The following DUSP15 variants were observed in gnomAD, a reference collection of about 807,000 sequenced individuals.
DUSP15 encodes dual specificity protein phosphatase 15.
A neutral mutation model predicts 26.3 loss-of-function variants in DUSP15; 23 were observed. That is an observed-to-expected ratio of 0.87 (90% confidence interval 0.63 to 1.24). The LOEUF is 1.24. DUSP15 is among the 50% of genes most tolerant of loss of function. DUSP15 has a pLI of 0.00. For missense variants in DUSP15, 364 were observed against 320.6 expected (o/e 1.14, Z -1.03); for synonymous variants, 143 against 135.5 (o/e 1.06, Z -0.39).
chr20:31,860,690 G>A (rs1447637059), downstream of DUSP15, among the ~76,000 whole-genome samples: 1 of 152,270 alleles, frequency 6.6e-6, no homozygotes, highest in Non-Finnish European at 1.5e-5. Flanking sequence ...AGGTCAGGAT[G>A]AGGGAGGCGC....
chr20:31,856,155 G>A (rs1435055824), downstream of DUSP15, among the ~76,000 whole-genome samples: 2 of 152,204 alleles, frequency 1.3e-5, no homozygotes, highest in Non-Finnish European at 2.9e-5. Context: ...CCAGGTAAAA[G>A]TGAAGAGCAG....
chr20:31,863,515 C>G (rs1426080153), intron 5 of DUSP15: 1 of 168,142 alleles, frequency 5.9e-6, no homozygotes, highest in Admixed American at 6.1e-5. Context: ...GAATTCCTGT[C>G]TCCCAGCTCG....
chr20:31,870,288 G>A lies in DUSP15; in HGVS notation c.21+29C>T. The A allele has an allele frequency of 8.1e-7, 1 of 1,228,924 alleles. No homozygotes were observed. The highest frequency in any genetic ancestry group is 1.6e-5 in the African/African-American group (1 of 64,226). 76.1% of individuals were successfully genotyped at this position (1,228,924 alleles called of 1,614,324 possible). On this transcript the variant is annotated intron_variant, in intron 1 of 6. Coordinates refer to ENST00000339738, the MANE Select transcript of DUSP15 (RefSeq NM_080611.5). This position sits in a 1 kb window ranked among gnomAD's most constrained non-coding sequence, Gnocchi z 6.6. ...GGCCGCGGCGGCCGGGGCGGGGACC[G>A]GGGAGGCTGCGCGGGGCCCGCCCCC...
intron 6 of DUSP15, among the ~76,000 whole-genome samples, chr20:31,855,324 T>C (rs2062543151): frequency 6.6e-6 from 1 of 152,156 alleles, no homozygotes. Context: ...TGAATGGCCA[T>C]GAAACTGATA....
Position 31,862,687 on chromosome 20 carries a change from T to A in DUSP15, c.319A>T (p.Thr107Ser). ...AGCACGTCCCGCCAGCCTAGCCCCG[T>A]CACAGTCATCACATACGCTGTCACA... ...TIVTAYVMTV[T>S]GLGWRDVLEA... Residue 107 changes from threonine to serine, a missense_variant, in exon 6 of 7, where the codon ACG becomes TCG. Thr to Ser is a moderately conservative substitution (Grantham distance 58). Coordinates refer to ENST00000339738, the MANE Select transcript of DUSP15 (RefSeq NM_080611.5). The A allele has an allele frequency of 6.2e-7, 1 of 1,614,022 alleles. No homozygotes were observed. Among genetic ancestry groups the A allele is most frequent in the South Asian group, 1.1e-5 (1 of 91,076 alleles).
intron 2 of DUSP15, among the ~76,000 whole-genome samples, 169 bp downstream of exon 2, chr20:31,869,395 C>G (rs1045640168): frequency 3.9e-5 from 6 of 152,250 alleles, no homozygotes; most frequent in African/African-American, 1.2e-4. Flanking sequence ...GGACACTCGC[C>G]TGCATGTGCA....
chr20:31,865,220 A>G (rs1260771048), intron 3 of DUSP15, among the ~76,000 whole-genome samples: 1 of 152,044 alleles, frequency 6.6e-6, no homozygotes, highest in African/African-American at 2.4e-5. Flanking sequence ...GTGTCTCCTA[A>G]CCCCATCAGC....
chr20:31,862,233 G>C (rs2062676825), intron 6 of DUSP15, among the ~76,000 whole-genome samples: 1 of 152,126 alleles, frequency 6.6e-6, no homozygotes, highest in South Asian at 2.1e-4. Context: ...CACAGGGATG[G>C]AGTAGGACAT....
Position 31,862,691 on chromosome 20 carries a change from A to G in DUSP15, c.315T>C (p.Thr105=). 1 of 1,614,076 alleles carries G rather than the reference A, an allele frequency of 6.2e-7. No individual in the cohort carries two copies. Among genetic ancestry groups the G allele is most frequent in the Non-Finnish European group, 8.5e-7 (1 of 1,179,980 alleles). ...CGTCCCGCCAGCCTAGCCCCGTCAC[A>G]GTCATCACATACGCTGTCACAATCG... is the stretch of plus-strand genomic sequence containing the variant. ...STTIVTAYVM[T]VTGLGWRDVL... is the part of the protein sequence containing the mutation. The change falls in exon 6 of 7, where the codon ACT becomes ACC. Residue 105 remains threonine (T), a synonymous_variant. Transcript: ENST00000339738.
intron 4 of DUSP15, chr20:31,864,389 C>A (rs1290554125): frequency 2.8e-6 from 3 of 1,056,652 alleles, no homozygotes; most frequent in African/African-American, 1.7e-5. Flanking sequence ...TCCCAAGGGG[C>A]AGCACTGTCT....
intron 6 of DUSP15, chr20:31,850,693 A>C: frequency 6.2e-7 from 1 of 1,608,696 alleles, no homozygotes; most frequent in Non-Finnish European, 8.5e-7. Context: ...AAGGAGAGGA[A>C]GCAGTCAGGC....
intron 9 of DUSP15, chr20:31,848,773 T>C: frequency 6.3e-7 from 1 of 1,592,208 alleles, no homozygotes; most frequent in Non-Finnish European, 8.6e-7. Flanking sequence ...CTGGAGGGCG[T>C]GCTTCTTGGC....
At chr20:31,848,140 G>A (rs2062397388) in exon 10 of DUSP15, 3 of 471,504 alleles carry the variant, frequency 6.4e-6, no homozygotes, top group South Asian at 6.6e-5. Flanking sequence ...GTCAGCAAGA[G>A]ATGAAGTCTT....
downstream of DUSP15, among the ~76,000 whole-genome samples, chr20:31,846,266 A>G (rs1405091324): frequency 7.7e-6 from 1 of 130,180 alleles, no homozygotes; most frequent in Non-Finnish European, 1.6e-5. Flanking sequence ...AGACATACAC[A>G]CACAGAAACA....
intron 8 of DUSP15, chr20:31,849,732 G>A (rs2062433566): frequency 6.5e-7 from 1 of 1,538,966 alleles, no homozygotes. Flanking sequence ...GGTCGGGGAA[G>A]CGAACCTGCT....
At position 31,863,924 on chromosome 20, in the gene DUSP15, C is replaced by A. The variant is rs201744217; in HGVS notation, c.246G>T (p.Gly82=). The change falls in exon 5 of 7, where the codon GGG becomes GGT. Residue 82 remains glycine, a synonymous_variant. Transcript: ENST00000339738. ...NFIHCCRLNG[G]NCLVHCFAGI... Reference sequence around the variant, plus strand: ...TAACTCACCAGTGCACAAGGCAGTTCCCCCCATTAAGGCGGCAGCAGTGGA... The same window carrying A: ...TAACTCACCAGTGCACAAGGCAGTTACCCCCATTAAGGCGGCAGCAGTGGA... 6.2e-7 allele frequency: 1 copy of A among 1,613,672 alleles called. No individual in the cohort carries two copies. Among genetic ancestry groups the A allele is most frequent in the East Asian group, 2.2e-5 (1 of 44,848 alleles).
At position 31,862,551 on chromosome 20, in the gene DUSP15, G is replaced by GCCCTTGACCCCAT. The variant is rs768959062; in HGVS notation, c.435+7_435+19dup. On this transcript the variant is annotated intron_variant, in intron 6 of 6. Coordinates refer to ENST00000339738, the MANE Select transcript of DUSP15 (RefSeq NM_080611.5). ...GATCTCCCACCCCTGGCCCAACCCA[G>GCCCTTGACCCCAT]CCCTTGACCCCATCCCTACCTTCTG... 7 of 1,583,252 alleles carry GCCCTTGACCCCAT rather than the reference G, an allele frequency of 4.4e-6. No homozygotes were observed. In the African/African-American group the frequency reaches 9.4e-5, roughly 21 times the overall value.
chr20:31,853,278 TAAAAG>T (rs2062505244), intron 6 of DUSP15, among the ~76,000 whole-genome samples: 1 of 151,330 alleles, frequency 6.6e-6, no homozygotes, highest in South Asian at 2.1e-4. Context: ...TTGTGATAAA[TAAAAG>T]AAAAAATAAA....
At chr20:31,869,460 C>T (rs2062863149) in intron 2 of DUSP15, 104 bp downstream of exon 2, 3 of 1,485,188 alleles carry the variant, frequency 2.0e-6, no homozygotes, top group Non-Finnish European at 2.8e-6. Flanking sequence ...GCTTCCCTGC[C>T]CCCAACCCCA....
Sources: gnomAD v4.1 joint callset for allele counts (sites outside exome capture counted in the v4.1 genomes callset) on GRCh38, gnomAD v4.1.1 for gene constraint, Gnocchi (gnomAD v3.1) non-coding constraint, MANE v1.5 for transcripts, NCBI Gene and HGNC (gene_info 2026-07-23, HGNC 2026-07-21) for gene names.